Variants in ERGIC1 observed in about 807,000 individuals in gnomAD.
The protein encoded by ERGIC1 is endoplasmic reticulum-golgi intermediate compartment 1, also known as endoplasmic reticulum-Golgi intermediate compartment protein 1.
ERGIC1 carries 19 observed loss-of-function variants against 38.3 expected under a neutral mutation model. The observed-to-expected ratio is 0.50, with a 90% CI of 0.35 to 0.73. The LOEUF (loss-of-function observed/expected upper bound fraction) is 0.73. ERGIC1 is among the 30% of genes least tolerant of loss of function. ERGIC1 has a pLI of 0.01. For synonymous variants in ERGIC1, 124 were observed against 157.6 expected (o/e 0.79, Z 1.60); for missense variants, 294 against 389.2 (o/e 0.76, Z 2.06).
At chr5:172,870,336 C>T (rs929032075) in intron 1 of ERGIC1, among the ~76,000 whole-genome samples, 18 of 152,200 alleles carry the variant, frequency 1.2e-4, no homozygotes, top group African/African-American at 4.3e-4. Flanking sequence ...GGGAGGCTTT[C>T]TATGGACTCC....
At chr5:172,851,247 A>G (rs1483917835) in intron 1 of ERGIC1, among the ~76,000 whole-genome samples, 3 of 150,432 alleles carry the variant, frequency 2.0e-5, no homozygotes, top group African/African-American at 7.4e-5. Flanking sequence ...AGTGGCTCAC[A>G]TCTGTAAAGC....
At position 172,883,149 on chromosome 5, in the gene ERGIC1, T is replaced by A. The variant is rs371772577; in HGVS notation, c.21-5550T>A. Among the ~76,000 whole-genome samples, 162 of 152,344 alleles carry A rather than the reference T, an allele frequency of 1.1e-3. 1 individual carries two copies. The highest frequency in any genetic ancestry group is 3.5e-3 in the African/African-American group (147 of 41,580). ...TAAATTTCCATTTGAAATACTTTTTTAACTTTTTGTTTTGAAATAATTTCA... is the reference window on the plus strand; with the variant it reads ...TAAATTTCCATTTGAAATACTTTTTAAACTTTTTGTTTTGAAATAATTTCA... On this transcript the variant is annotated intron_variant, in intron 1 of 9. Transcript: ENST00000393784.
rs545686462 is a variant in ERGIC1 at position 172,902,813 on chromosome 5, C to T, written c.155+5739C>T. Among the ~76,000 whole-genome samples, 3 of 152,086 alleles carry T rather than the reference C, an allele frequency of 2.0e-5. No individual in the cohort carries two copies. In the South Asian group the frequency reaches 6.2e-4, roughly 32 times the overall value. On this transcript the variant is annotated intron_variant, in intron 3 of 9. Coordinates refer to ENST00000393784, the MANE Select transcript of ERGIC1 (RefSeq NM_001031711.3). ...CCTCACCGCCGCCTAAGTTTCCATTCGATCAAATTTTGAAGCATAGAGGTC... is the reference window on the plus strand; with the variant it reads ...CCTCACCGCCGCCTAAGTTTCCATTTGATCAAATTTTGAAGCATAGAGGTC...
intron 1 of ERGIC1, among the ~76,000 whole-genome samples, chr5:172,883,762 G>T (rs369951183): frequency 6.6e-6 from 1 of 152,120 alleles, no homozygotes; most frequent in South Asian, 2.1e-4. Context: ...CGGGCAGATC[G>T]CTTGAGCCCT....
At chr5:172,904,202 C>G (rs181291114) in intron 3 of ERGIC1, among the ~76,000 whole-genome samples, 45 of 152,242 alleles carry the variant, frequency 3.0e-4, no homozygotes, top group Admixed American at 2.6e-3. Context: ...GCAAAGCATA[C>G]AAATATTAAG....
At chr5:172,877,062 G>A (rs933503966) in intron 1 of ERGIC1, among the ~76,000 whole-genome samples, 2 of 152,086 alleles carry the variant, frequency 1.3e-5, no homozygotes, top group Non-Finnish European at 2.9e-5. Flanking sequence ...ATTCCCTTAT[G>A]TTTTCCTCTA....
In ERGIC1 at chr5:172,888,679, G is replaced by T. The variant is rs1762480162; in HGVS notation, c.21-20G>T. ...CACCCTTTGTGCCCACCTCACTCCTGTTCCATTTGCTCTCCACAGGTTTGA... is the reference window on the plus strand; with the variant it reads ...CACCCTTTGTGCCCACCTCACTCCTTTTCCATTTGCTCTCCACAGGTTTGA... On this transcript the variant is annotated intron_variant, in intron 1 of 9. Coordinates refer to ENST00000393784, the MANE Select transcript of ERGIC1 (RefSeq NM_001031711.3). The T allele has an allele frequency of 6.2e-7, 1 of 1,613,046 alleles. No homozygotes were observed. Among genetic ancestry groups the T allele is most frequent in the Non-Finnish European group, 8.5e-7 (1 of 1,179,088 alleles).
intron 1 of ERGIC1, among the ~76,000 whole-genome samples, chr5:172,853,665 C>T (rs1188556005): frequency 6.6e-6 from 1 of 152,210 alleles, no homozygotes; most frequent in African/African-American, 2.4e-5. Flanking sequence ...TTCTAAGCAG[C>T]CTCTCCAAGG....
At chr5:172,858,659 GA>G (rs1312994848) in intron 1 of ERGIC1, among the ~76,000 whole-genome samples, 2 of 152,242 alleles carry the variant, frequency 1.3e-5, no homozygotes, top group Admixed American at 1.3e-4. Flanking sequence ...AGGACACGAG[GA>G]AAAGGCTGTT....
chr5:172,889,167 C>T (rs1240932192), intron 2 of ERGIC1, among the ~76,000 whole-genome samples: 2 of 151,982 alleles, frequency 1.3e-5, no homozygotes, highest in Non-Finnish European at 2.9e-5. Flanking sequence ...GCCTGTAGTC[C>T]CATCTACTCG....
At chr5:172,890,314 G>A (rs940629626) in intron 2 of ERGIC1, among the ~76,000 whole-genome samples, 1 of 152,146 alleles carries the variant, frequency 6.6e-6, no homozygotes, top group African/African-American at 2.4e-5. Flanking sequence ...ACAAAAGACC[G>A]AGGAACTGTC....
rs1343362547 is a variant in ERGIC1, at chr5:172,951,963, C to G, written c.*1147C>G. 3 of 152,292 alleles carry G rather than the reference C, an allele frequency of 2.0e-5. No homozygotes were observed. Among genetic ancestry groups the G allele is most frequent in the Non-Finnish European group, 4.4e-5 (3 of 68,114 alleles). The allele number at this position is 152,292 out of a possible 1,614,324, so 9.4% of individuals were successfully genotyped here. On this transcript the variant is annotated 3_prime_UTR_variant, in exon 10 of 10. Coordinates refer to ENST00000393784, the MANE Select transcript of ERGIC1 (RefSeq NM_001031711.3). ...GCTCCTCCATCAGCTGGTCACATGC[C>G]AACACGTTCCCAGCCCCTGAGGCAG... is the stretch of plus-strand genomic sequence containing the variant.
At position 172,858,529 on chromosome 5, in the gene ERGIC1, T is replaced by C. The variant is rs1761614827; in HGVS notation, c.20+24096T>C. ...ACAACTCACAATTTGCACTTAGTCC[T>C]GAATCCGGGCGGTGACACAGAAGAA... is the stretch of plus-strand genomic sequence containing the variant. On this transcript the variant is annotated intron_variant, in intron 1 of 9. Transcript: ENST00000393784. Among the ~76,000 whole-genome samples, 4 of 152,170 alleles carry C rather than the reference T, an allele frequency of 2.6e-5. No individual in the cohort carries two copies. The South Asian group carries it at 8.3e-4, about 32-fold the overall frequency.
intron 1 of ERGIC1, among the ~76,000 whole-genome samples, chr5:172,864,491 A>G (rs565735322): frequency 1.3e-5 from 2 of 152,054 alleles, no homozygotes; most frequent in East Asian, 3.9e-4. Flanking sequence ...CTGGGTCTCA[A>G]ACTCTTGGCC....
chr5:172,895,664 C>T (rs918212014), intron 2 of ERGIC1, among the ~76,000 whole-genome samples: 5 of 152,032 alleles, frequency 3.3e-5, no homozygotes, highest in Admixed American at 6.6e-5. Flanking sequence ...GAGTGACCAG[C>T]TCCACCTCTG....
Position 172,878,361 on chromosome 5 carries a change from C to A in ERGIC1, c.21-10338C>A, listed in dbSNP as rs113377177. ...TCCCTCTTCCAGGCAGGCATGTGGCCCAGGGGTGAGAAGAATTGTTCTACT... is the reference window on the plus strand; with the variant it reads ...TCCCTCTTCCAGGCAGGCATGTGGCACAGGGGTGAGAAGAATTGTTCTACT... On this transcript the variant is annotated intron_variant, in intron 1 of 9. Transcript: ENST00000393784. Among the ~76,000 whole-genome samples the A allele has an allele frequency of 4.6e-3, 706 of 152,208 alleles. 2 individuals carry two copies. The highest frequency in any genetic ancestry group is 7.8e-3 in the Non-Finnish European group (533 of 68,018).
chr5:172,880,283 C>A (rs139011292), intron 1 of ERGIC1, among the ~76,000 whole-genome samples: 21 of 151,812 alleles, frequency 1.4e-4, no homozygotes, highest in African/African-American at 4.8e-4. Context: ...GTGATCTGCC[C>A]GCTCTGGGGC....
chr5:172,877,321 T>C (rs1367519090), intron 1 of ERGIC1, among the ~76,000 whole-genome samples: 1 of 152,018 alleles, frequency 6.6e-6, no homozygotes, highest in Non-Finnish European at 1.5e-5. Context: ...TTACTTTTGC[T>C]TTCATGTCTT....
intron 3 of ERGIC1, among the ~76,000 whole-genome samples, chr5:172,897,443 A>AAAG (rs780361647): frequency 0.019 from 2,683 of 142,334 alleles, 91 homozygotes; most frequent in African/African-American, 0.069. Flanking sequence ...AAAAAAAAAA[A>AAAG]AGAGAGAGAG....
Sources: allele counts gnomAD v4.1 joint callset (sites outside exome capture counted in the v4.1 genomes callset), GRCh38; gene constraint gnomAD v4.1.1; transcripts MANE v1.5; gene names NCBI Gene and HGNC (gene_info 2026-07-23, HGNC 2026-07-21).